C1orf21: variants seen among roughly 807,000 people sequenced by gnomAD.
C1orf21 encodes uncharacterized protein C1orf21.
Under a neutral mutation model 18.7 loss-of-function variants are expected in C1orf21, and 3 were observed. The observed-to-expected ratio is 0.16, with a 90% confidence interval of 0.07 to 0.42. The LOEUF (loss-of-function observed/expected upper bound fraction) is 0.42, where lower values mean the gene tolerates loss of function less well. Among genes scored for constraint, C1orf21 ranks in the 10% least tolerant of loss-of-function variants. The pLI, the probability that C1orf21 is intolerant of heterozygous loss-of-function variation, is 0.99. For synonymous variants in C1orf21, 41 were observed against 46.4 expected, an observed-to-expected ratio of 0.88 and a Z score of 0.47; for missense variants, 104 against 143.6, an observed-to-expected ratio of 0.72 and a Z score of 1.41.
intron 2 of C1orf21, among the ~76,000 whole-genome samples, chr1:184,478,281 A>C (rs1417169365): frequency 6.6e-6 from 1 of 152,180 alleles, no homozygotes; most frequent in Non-Finnish European, 1.5e-5. Context: ...TTTAAAATAA[A>C]AATACAATGA....
intron 3 of C1orf21, among the ~76,000 whole-genome samples, chr1:184,538,356 T>A (rs764390266): frequency 6.6e-6 from 1 of 152,244 alleles, no homozygotes; most frequent in Admixed American, 6.5e-5. Context: ...CTATATATAT[T>A]TTGATATTAA....
chr1:184,399,406 A>G (rs1393295960), intron 1 of C1orf21, among the ~76,000 whole-genome samples: 1 of 131,908 alleles, frequency 7.6e-6, no homozygotes, highest in African/African-American at 2.9e-5. Context: ...TCTATTGGCC[A>G]GGCTGGAGTG....
intron 3 of C1orf21, among the ~76,000 whole-genome samples, chr1:184,549,475 AG>A (rs1374282276): frequency 6.6e-6 from 1 of 152,014 alleles, no homozygotes; most frequent in Non-Finnish European, 1.5e-5. Flanking sequence ...AAATATATAA[AG>A]TTACATACAC....
At chr1:184,507,821 A>G (rs1658086729) in intron 3 of C1orf21, 139 bp downstream of exon 3, 1 of 650,298 alleles carries the variant, frequency 1.5e-6, no homozygotes, top group Middle Eastern at 3.8e-4. Context: ...GCTTGCCTGG[A>G]AGCTGCACCA....
chr1:184,570,382 ATGT>A (rs1003187217), intron 3 of C1orf21, among the ~76,000 whole-genome samples: 12 of 152,152 alleles, frequency 7.9e-5, no homozygotes, highest in Non-Finnish European at 1.3e-4. Context: ...TTAAATTGTA[ATGT>A]TGTTTAAATT....
intron 1 of C1orf21, among the ~76,000 whole-genome samples, chr1:184,429,378 G>A (rs907251207): frequency 6.6e-6 from 1 of 152,132 alleles, no homozygotes; most frequent in Non-Finnish European, 1.5e-5. Context: ...TGTAAATTAT[G>A]TCGTTTGCAA....
chr1:184,464,667 A>G (rs1271723822), intron 1 of C1orf21, among the ~76,000 whole-genome samples: 1 of 152,246 alleles, frequency 6.6e-6, no homozygotes, highest in Non-Finnish European at 1.5e-5. Context: ...AGTTTAGGAA[A>G]GAGAGCAAAT....
At chr1:184,567,630 G>T in intron 3 of C1orf21, 1 of 428,448 alleles carries the variant, frequency 2.3e-6, no homozygotes. Context: ...AGGATGCTAG[G>T]CAGACTGCAG....
chr1:184,569,138 G>A lies in C1orf21; in HGVS notation c.190-21601G>A, dbSNP rs1210446147. Among the ~76,000 whole-genome samples the A allele has an allele frequency of 7.9e-5, 12 of 152,190 alleles. 1 individual carries two copies. Among genetic ancestry groups the A allele is most frequent in the African/African-American group, 2.4e-4 (10 of 41,446 alleles). ...GTGGTTCTACCCAGGATGAGAGGGC[G>A]TCAGCATGGTGTTTTCTTTTGCTTT... On this transcript the variant is annotated intron_variant, in intron 3 of 5. Coordinates refer to ENST00000235307, the MANE Select transcript of C1orf21 (RefSeq NM_030806.4).
At chr1:184,438,020 GC>G (rs1371703572) in intron 1 of C1orf21, among the ~76,000 whole-genome samples, 1 of 152,176 alleles carries the variant, frequency 6.6e-6, no homozygotes, top group Non-Finnish European at 1.5e-5. Context: ...TCAATGGGGA[GC>G]TGCTGTAAAT....
chr1:184,579,043 G>A (rs1195122486), intron 3 of C1orf21, among the ~76,000 whole-genome samples: 1 of 143,510 alleles, frequency 7.0e-6, no homozygotes, highest in Non-Finnish European at 1.5e-5. Context: ...GCCCTTTAAA[G>A]TTCTTTTTTT....
intron 3 of C1orf21, among the ~76,000 whole-genome samples, chr1:184,554,165 C>T (rs1303412721): frequency 6.6e-6 from 1 of 152,188 alleles, no homozygotes; most frequent in Non-Finnish European, 1.5e-5. Flanking sequence ...ATTTTGATAA[C>T]CTGTAATGAG....
chr1:184,548,373 T>TG (rs1377400151), intron 3 of C1orf21, among the ~76,000 whole-genome samples: 1 of 144,010 alleles, frequency 6.9e-6, no homozygotes, highest in Admixed American at 7.4e-5. Flanking sequence ...AGTGGGAACT[T>TG]GCATTTATTC....
intron 1 of C1orf21, among the ~76,000 whole-genome samples, chr1:184,436,284 T>A (rs1656856189): frequency 6.6e-6 from 1 of 152,162 alleles, no homozygotes; most frequent in African/African-American, 2.4e-5. Flanking sequence ...GGAGTAGTTC[T>A]TATTTTACGG....
chr1:184,440,499 G>T (rs529843384), intron 1 of C1orf21, among the ~76,000 whole-genome samples: 6 of 150,974 alleles, frequency 4.0e-5, no homozygotes, highest in Non-Finnish European at 8.8e-5. Context: ...TGATCCACCT[G>T]CCTCAGCCTC....
At chr1:184,391,576 C>G (rs892976711) in intron 1 of C1orf21, among the ~76,000 whole-genome samples, 2 of 152,172 alleles carry the variant, frequency 1.3e-5, no homozygotes, top group African/African-American at 4.8e-5. Flanking sequence ...TAGATGTGGA[C>G]TTAAGTTTTA....
chr1:184,581,429 CA>C (rs35666369), intron 3 of C1orf21, among the ~76,000 whole-genome samples: 340 of 129,462 alleles, frequency 2.6e-3, no homozygotes, highest in Middle Eastern at 4.2e-3. Context: ...GACCCTGTCT[CA>C]AAAAAAAAAA....
At chr1:184,409,427 C>G (rs891100062) in intron 1 of C1orf21, among the ~76,000 whole-genome samples, 2 of 151,988 alleles carry the variant, frequency 1.3e-5, no homozygotes, top group Admixed American at 1.3e-4. Flanking sequence ...AGAAAATGAC[C>G]CACAGGTGGA....
intron 3 of C1orf21, among the ~76,000 whole-genome samples, chr1:184,568,126 C>G (rs1393618951): frequency 6.6e-6 from 1 of 152,174 alleles, no homozygotes; most frequent in Non-Finnish European, 1.5e-5. Flanking sequence ...AAGTGATACC[C>G]TTGAGGCTAG....
Sources: gnomAD v4.1 joint callset for allele counts (sites outside exome capture counted in the v4.1 genomes callset) on GRCh38, gnomAD v4.1.1 for gene constraint, MANE v1.5 for transcripts, NCBI Gene and HGNC (gene_info 2026-07-23, HGNC 2026-07-21) for gene names.